TSGA10: variants seen among roughly 807,000 people sequenced by gnomAD.
TSGA10 encodes the protein testis specific 10.
TSGA10 carries 43 observed loss-of-function variants against 96.6 expected under a neutral mutation model. That is an observed-to-expected ratio of 0.44 (90% CI 0.35 to 0.57). The LOEUF is 0.57. Among genes scored for constraint, TSGA10 ranks in the 20% least tolerant of loss-of-function variants. The pLI is 0.01. For missense variants in TSGA10, 703 were observed against 834.4 expected, an observed-to-expected ratio of 0.84 and a Z score of 1.94; for synonymous variants, 229 against 269.9, an observed-to-expected ratio of 0.85 and a Z score of 1.48.
At chr2:99,019,331 G>A (rs954011373) in intron 18 of TSGA10, among the ~76,000 whole-genome samples, 1 of 152,188 alleles carries the variant, frequency 6.6e-6, no homozygotes, top group African/African-American at 2.4e-5. Context: ...CTAAAACAGA[G>A]TATAGCCCTT....
At chr2:99,046,603 G>A (rs1472187985) in intron 16 of TSGA10, among the ~76,000 whole-genome samples, 1 of 152,128 alleles carries the variant, frequency 6.6e-6, no homozygotes, top group African/African-American at 2.4e-5. Flanking sequence ...AGCATTAAAT[G>A]CCCACAAGAG....
At position 99,077,593 on chromosome 2, in the gene TSGA10, G is replaced by A. The variant is rs1416694871; in HGVS notation, c.882+1066C>T. On this transcript the variant is annotated intron_variant, in intron 12 of 20. Coordinates refer to ENST00000393483, the MANE Select transcript of TSGA10 (RefSeq NM_025244.4). Reference sequence around the variant, plus strand: ...TTATTTATTTTTGAGACAGAGTCTCGCACTGTCGCCCAGGCTGGAGTGCAA... The same window carrying A: ...TTATTTATTTTTGAGACAGAGTCTCACACTGTCGCCCAGGCTGGAGTGCAA... Among the ~76,000 whole-genome samples the A allele has an allele frequency of 3.3e-5, 5 of 151,806 alleles. No homozygotes were observed. The South Asian group carries it at 6.3e-4, about 19-fold the overall frequency.
intron 10 of TSGA10, among the ~76,000 whole-genome samples, chr2:99,093,032 CA>C (rs2089543280): frequency 1.3e-5 from 2 of 152,122 alleles, no homozygotes; most frequent in Admixed American, 6.5e-5. Flanking sequence ...AATCCAACAG[CA>C]TATCAAAAAG....
chr2:99,044,206 A>G (rs2082504235), intron 16 of TSGA10, among the ~76,000 whole-genome samples: 1 of 152,190 alleles, frequency 6.6e-6, no homozygotes, highest in Non-Finnish European at 1.5e-5. Context: ...ACTGGGCTAA[A>G]TGCCCCAATT....
chr2:99,084,938 C>G (rs1017989346), intron 10 of TSGA10, among the ~76,000 whole-genome samples: 11 of 151,576 alleles, frequency 7.3e-5, no homozygotes, highest in Admixed American at 1.3e-4. Flanking sequence ...CAAAATCAAG[C>G]AGAAGCTGGT....
chr2:99,104,081 G>C lies in TSGA10; in HGVS notation c.497C>G (p.Thr166Ser). ...AGTGCTTATGGTTTCCTTCATCAAA[G>C]TCATATTTGACATTTGCTCCATACG... ...DERMEQMSNM[T>S]LMKETISTVE... is the part of the protein sequence containing the mutation. The change falls in exon 10 of 21, where the codon ACT (threonine) becomes AGT (serine). Residue 166 changes from threonine to serine, a missense_variant. Thr to Ser is a moderately conservative substitution (Grantham distance 58). Coordinates refer to ENST00000393483, the MANE Select transcript of TSGA10 (RefSeq NM_025244.4). 1 of 1,613,838 alleles carries C rather than the reference G, an allele frequency of 6.2e-7. No homozygotes were observed. The highest frequency in any genetic ancestry group is 1.1e-5 in the South Asian group (1 of 91,066).
At chr2:99,117,853 T>C (rs1311838364) in intron 3 of TSGA10, 94 bp from the exon 4 acceptor site, 1 of 553,026 alleles carries the variant, frequency 1.8e-6, no homozygotes, top group Non-Finnish European at 2.3e-6. Flanking sequence ...GGAGATTTGC[T>C]TCCCTGGCAA....
At chr2:99,115,015 CTCTG>C (rs2092137295) in intron 4 of TSGA10, among the ~76,000 whole-genome samples, 1 of 152,172 alleles carries the variant, frequency 6.6e-6, no homozygotes, top group African/African-American at 2.4e-5. Flanking sequence ...TCACTGCAAC[CTCTG>C]TCTCTCAGGC....
chr2:99,138,276 A>G (rs1000392154), intron 1 of TSGA10, among the ~76,000 whole-genome samples: 4 of 152,104 alleles, frequency 2.6e-5, no homozygotes, highest in African/African-American at 9.7e-5. Context: ...CTTCTTACCT[A>G]AAGTAGCCTC....
intron 1 of TSGA10, chr2:99,154,458 T>C (rs2093726959): frequency 6.5e-6 from 1 of 153,054 alleles, no homozygotes; most frequent in Non-Finnish European, 1.5e-5. Context: ...TTAAATGCAA[T>C]GTGTCTTTCA....
intron 17 of TSGA10, among the ~76,000 whole-genome samples, chr2:99,024,294 T>C (rs546259451): frequency 5.9e-4 from 90 of 152,196 alleles, no homozygotes; most frequent in African/African-American, 2.0e-3. Flanking sequence ...TTCACCATGT[T>C]AGCCAGGATG....
intron 1 of TSGA10, among the ~76,000 whole-genome samples, chr2:99,142,828 A>C (rs969610377): frequency 2.6e-5 from 4 of 152,210 alleles, no homozygotes; most frequent in Non-Finnish European, 5.9e-5. Context: ...GTTTAAAACT[A>C]TCAGCTGGAG....
intron 15 of TSGA10, among the ~76,000 whole-genome samples, chr2:99,067,760 T>C (rs11123759): frequency 0.054 from 8,197 of 151,726 alleles, 409 homozygotes; most frequent in East Asian, 0.21. Context: ...GGCAGGAGAA[T>C]CGCTTGAACA....
intron 10 of TSGA10, among the ~76,000 whole-genome samples, chr2:99,090,635 A>G (rs2089206543): frequency 6.6e-6 from 1 of 152,222 alleles, no homozygotes; most frequent in Non-Finnish European, 1.5e-5. Flanking sequence ...TGCACTGGAA[A>G]GTCTCAGCAA....
Position 99,035,455 on chromosome 2 carries a change from TA to T in TSGA10, c.1405-17del. 2 of 1,529,402 alleles carry T rather than the reference TA, an allele frequency of 1.3e-6. No individual in the cohort carries two copies. Among genetic ancestry groups the T allele is most frequent in the African/African-American group, 1.4e-5 (1 of 71,930 alleles). The allele number at this position is 1,529,402 out of a possible 1,614,324, so 94.7% of individuals were successfully genotyped here. A position where few individuals can be genotyped will look rare whatever the true frequency, so the allele number is the denominator to read the frequency against. On this transcript the variant is annotated splice_polypyrimidine_tract_variant and intron_variant, in intron 16 of 20. Transcript: ENST00000393483. ...CATTTAAGTGCTGTAAGAATAAAAT[TA>T]TATATATGTATGTATACATATATAT...
rs2092406971 is a variant in TSGA10 at position 99,118,585 on chromosome 2, T to C, written c.-390A>G. On this transcript the variant is annotated 5_prime_UTR_variant, in exon 3 of 21. Coordinates refer to ENST00000393483, the MANE Select transcript of TSGA10 (RefSeq NM_025244.4). ...CTAAATATCAAATCAATCAAGTATTTGCTGCCTAATGTGGAGGAACACAGC... is the reference window on the plus strand; with the variant it reads ...CTAAATATCAAATCAATCAAGTATTCGCTGCCTAATGTGGAGGAACACAGC... The C allele has an allele frequency of 4.1e-6, 4 of 984,150 alleles. No individual in the cohort carries two copies. The highest frequency in any genetic ancestry group is 4.8e-6 in the Non-Finnish European group (4 of 829,068). 61.0% of individuals were successfully genotyped at this position (984,150 alleles called of 1,614,324 possible).
At chr2:99,068,293 A>G (rs528692295) in intron 15 of TSGA10, among the ~76,000 whole-genome samples, 1 of 152,270 alleles carries the variant, frequency 6.6e-6, no homozygotes, top group African/African-American at 2.4e-5. Flanking sequence ...TACCACTCAA[A>G]CCATTAATGG....
chr2:99,141,183 C>T, intron 1 of TSGA10: 1 of 1,226,692 alleles, frequency 8.2e-7, no homozygotes, highest in Non-Finnish European at 1.0e-6. Flanking sequence ...GATACAAGAA[C>T]CGCCCACTCT....
At chr2:99,035,571 G>T in intron 16 of TSGA10, 132 bp from the exon 17 acceptor site, 1 of 545,502 alleles carries the variant, frequency 1.8e-6, no homozygotes, top group Non-Finnish European at 3.1e-6. Context: ...AAATAATACA[G>T]GTGGTAACAA....
Sources: allele counts gnomAD v4.1 joint callset (sites outside exome capture counted in the v4.1 genomes callset), GRCh38; gene constraint gnomAD v4.1.1; transcripts MANE v1.5; gene names NCBI Gene and HGNC (gene_info 2026-07-23, HGNC 2026-07-21).